RAPGEF5: variants seen among roughly 807,000 people sequenced by gnomAD.
The protein encoded by RAPGEF5 is Rap guanine nucleotide exchange factor 5, also known as M-Ras-regulated GEF.
In RAPGEF5, 65 loss-of-function variants were observed where a neutral mutation model predicts 125.2. That is an observed-to-expected ratio of 0.52 (90% CI 0.43 to 0.64). RAPGEF5 has a LOEUF of 0.64. Among genes scored for constraint, RAPGEF5 ranks in the 30% least tolerant of loss-of-function variants. RAPGEF5 has a pLI of 0.00. For missense variants in RAPGEF5, 958 were observed against 1,048.1 expected, an observed-to-expected ratio of 0.91 and a Z score of 1.19; for synonymous variants, 391 against 385.9, an observed-to-expected ratio of 1.01 and a Z score of -0.16.
intron 1 of RAPGEF5, among the ~76,000 whole-genome samples, chr7:22,331,737 T>G (rs1266232075): frequency 9.5e-6 from 1 of 105,690 alleles, no homozygotes; most frequent in Non-Finnish European, 1.8e-5. Context: ...AGAGCGAGAC[T>G]CCATCTCAAA....
At chr7:22,169,789 G>A (rs376266864) in intron 11 of RAPGEF5, among the ~76,000 whole-genome samples, 9 of 139,490 alleles carry the variant, frequency 6.5e-5, no homozygotes, top group African/African-American at 1.6e-4. Context: ...GAACTCAGGC[G>A]GTGGAAGTTG....
chr7:22,286,908 G>A (rs1782811888), intron 6 of RAPGEF5, among the ~76,000 whole-genome samples: 1 of 152,156 alleles, frequency 6.6e-6, no homozygotes, highest in Admixed American at 6.5e-5. Flanking sequence ...GTCATTCAAA[G>A]GCCCTTCTTG....
chr7:22,181,322 A>G (rs1263388545), intron 11 of RAPGEF5, among the ~76,000 whole-genome samples: 3 of 152,226 alleles, frequency 2.0e-5, no homozygotes, highest in African/African-American at 7.2e-5. Flanking sequence ...GGATATAATA[A>G]GAAAAAAATA....
chr7:22,357,072 G>C lies in RAPGEF5; in HGVS notation c.-12C>G. 1 of 1,035,776 alleles carries C rather than the reference G, an allele frequency of 9.7e-7. No individual in the cohort carries two copies. The highest frequency in any genetic ancestry group is 1.2e-6 in the Non-Finnish European group (1 of 863,616). The allele number at this position is 1,035,776 out of a possible 1,614,324, so 64.2% of individuals were successfully genotyped here. A position where few individuals can be genotyped will look rare whatever the true frequency, so the allele number is the denominator to read the frequency against. On this transcript the variant is annotated 5_prime_UTR_variant, in exon 1 of 26. Coordinates refer to ENST00000665637, the MANE Select transcript of RAPGEF5 (RefSeq NM_012294.5). The stretch of plus-strand genomic sequence containing the variant: ...ACGGCCATCCTCATGCCCTGACGGC[G>C]CTGCGGCGCCGGGGGCTCCTCTCCA...
chr7:22,236,680 G>A lies in RAPGEF5; in HGVS notation c.797-5761C>T, dbSNP rs116425579. On this transcript the variant is annotated intron_variant, in intron 7 of 25. Transcript: ENST00000665637. ...GGTCACATCTCATGTAGGCTGCTAC[G>A]GCATGGCCTCTCCCTCCATCCATTC... Among the ~76,000 whole-genome samples, 220 of 152,180 alleles carry A rather than the reference G, an allele frequency of 1.4e-3. 2 individuals carry two copies. The highest frequency in any genetic ancestry group is 5.0e-3 in the African/African-American group (209 of 41,514).
At chr7:22,156,969 A>C in intron 15 of RAPGEF5, 81 bp from the exon 16 acceptor site, 1 of 1,557,600 alleles carries the variant, frequency 6.4e-7, no homozygotes, top group East Asian at 2.3e-5. Flanking sequence ...ATATGTTCCA[A>C]AAGAACTAGC....
chr7:22,181,754 G>A (rs1784681870), intron 11 of RAPGEF5, among the ~76,000 whole-genome samples: 1 of 152,132 alleles, frequency 6.6e-6, no homozygotes, highest in Admixed American at 6.6e-5. Flanking sequence ...AGGCAAAAAA[G>A]CTGCAAACTG....
rs140142886 is a variant in RAPGEF5, at chr7:22,141,232, C to T, written c.2187-1117G>A. Reference sequence around the variant, plus strand: ...GGATGATTTTCAATTTTCCCAGTTACACAGAATGCTGGAATAAACTTTTTA... The same window carrying T: ...GGATGATTTTCAATTTTCCCAGTTATACAGAATGCTGGAATAAACTTTTTA... On this transcript the variant is annotated intron_variant, in intron 20 of 25. Coordinates refer to ENST00000665637, the MANE Select transcript of RAPGEF5 (RefSeq NM_012294.5). Among the ~76,000 whole-genome samples the T allele has an allele frequency of 1.1e-4, 17 of 152,324 alleles. No homozygotes were observed. The East Asian group carries it at 3.3e-3, about 29-fold the overall frequency.
Position 22,310,085 on chromosome 7 carries a change from C to T in RAPGEF5, c.395G>A (p.Ser132Asn). 1.9e-6 allele frequency: 3 copies of T among 1,568,238 alleles called. No homozygotes were observed. Among genetic ancestry groups the T allele is most frequent in the Non-Finnish European group, 2.6e-6 (3 of 1,162,650 alleles). ...GTCTACCAGCTCTGACCCAACGCAG[C>T]TCCTCCTGAACAAAAGCAAAGCCAT... The part of the protein sequence containing the change: ...RVNLKGFYRR[S>N]CVGSELVDWL... The change falls in exon 4 of 26, where the codon AGC becomes AAC. Residue 132 changes from serine to asparagine, a missense_variant. Transcript: ENST00000665637.
chr7:22,350,174 G>A (rs1000431548), intron 1 of RAPGEF5, among the ~76,000 whole-genome samples: 3 of 151,992 alleles, frequency 2.0e-5, no homozygotes, highest in East Asian at 1.9e-4. Flanking sequence ...AATCACAAGC[G>A]CTCAAAGTCA....
chr7:22,260,159 A>AT (rs1428646873), intron 7 of RAPGEF5, among the ~76,000 whole-genome samples: 1 of 152,164 alleles, frequency 6.6e-6, no homozygotes, highest in Non-Finnish European at 1.5e-5. Context: ...AGCACACAGG[A>AT]TTTTTTAGGG....
chr7:22,137,058 C>G, intron 21 of RAPGEF5, 75 bp from the exon 22 acceptor site: 1 of 1,105,052 alleles, frequency 9.0e-7, no homozygotes, highest in Non-Finnish European at 1.3e-6. Context: ...AGGGAGTTTT[C>G]ATTACGTTGT....
chr7:22,300,016 T>C (rs1783160556), intron 5 of RAPGEF5, among the ~76,000 whole-genome samples: 1 of 152,154 alleles, frequency 6.6e-6, no homozygotes, highest in Admixed American at 6.5e-5. Context: ...TACAGATTTG[T>C]CTCTCACTCA....
Position 22,160,584 on chromosome 7 carries a change from T to C in RAPGEF5, c.1460A>G (p.Tyr487Cys). The change falls in exon 14 of 26, where the codon TAT becomes TGT. Residue 487 changes from tyrosine to cysteine, a missense_variant. Transcript: ENST00000665637. ...TTCTTTTTCAAGTATTGGATATTCA[T>C]AAACATCATCCAGTACATTCCTATA... Reference protein sequence around the residue: ...TIYRNVLDDVYEYPILEKELK... With the variant: ...TIYRNVLDDVCEYPILEKELK... 6.5e-7 allele frequency: 1 copy of C among 1,548,030 alleles called. No individual in the cohort carries two copies. The highest frequency in any genetic ancestry group is 8.7e-7 in the Non-Finnish European group (1 of 1,146,810).
chr7:22,289,797 G>A (rs1014301239), intron 6 of RAPGEF5, among the ~76,000 whole-genome samples: 1 of 152,152 alleles, frequency 6.6e-6, no homozygotes, highest in Non-Finnish European at 1.5e-5. Context: ...TATCACGGGG[G>A]CAGTTTCCCA....
chr7:22,205,605 A>C (rs896216633), intron 9 of RAPGEF5, among the ~76,000 whole-genome samples: 2 of 152,236 alleles, frequency 1.3e-5, no homozygotes, highest in Non-Finnish European at 2.9e-5. Context: ...TGTTTTAAAA[A>C]CAGTAATTTG....
intron 8 of RAPGEF5, among the ~76,000 whole-genome samples, chr7:22,223,371 G>A (rs1005184868): frequency 1.3e-5 from 2 of 152,152 alleles, no homozygotes; most frequent in Non-Finnish European, 1.5e-5. Context: ...TTTGAGTGGA[G>A]CAATTTCTGT....
intron 7 of RAPGEF5, among the ~76,000 whole-genome samples, chr7:22,262,511 G>C (rs534727258): frequency 6.6e-6 from 1 of 152,348 alleles, no homozygotes; most frequent in South Asian, 2.1e-4. Flanking sequence ...TACTGTGAAA[G>C]ATAGTTTAGC....
intron 9 of RAPGEF5, chr7:22,194,810 T>G (rs1255729649): frequency 1.0e-6 from 1 of 970,678 alleles, no homozygotes; most frequent in Non-Finnish European, 1.2e-6. Context: ...AGAGTGAGTG[T>G]GGCCCGCTGA....
Sources: allele counts gnomAD v4.1 joint callset (sites outside exome capture counted in the v4.1 genomes callset), GRCh38; gene constraint gnomAD v4.1.1; transcripts MANE v1.5; gene names NCBI Gene and HGNC (gene_info 2026-07-23, HGNC 2026-07-21).